The following MAML2 variants were observed in gnomAD, a reference collection of about 807,000 sequenced individuals.
The protein encoded by MAML2 is mastermind like transcriptional coactivator 2, also known as mastermind-like protein 2.
A neutral mutation model predicts 96.1 loss-of-function variants in MAML2; 22 were observed. The ratio of observed to expected loss-of-function variants is 0.23; its 90% confidence interval spans 0.16 to 0.33. MAML2 has a LOEUF of 0.33. MAML2 is among the 10% of genes least tolerant of loss of function. The pLI is 1.00. For synonymous variants in MAML2, 561 were observed against 521.3 expected, an observed-to-expected ratio of 1.08 and a Z score of -1.04; for missense variants, 1,367 against 1,392.4, an observed-to-expected ratio of 0.98 and a Z score of 0.29.
At chr11:96,054,207 T>C (rs1337909881) in intron 2 of MAML2, among the ~76,000 whole-genome samples, 2 of 152,196 alleles carry the variant, frequency 1.3e-5, no homozygotes, top group Non-Finnish European at 2.9e-5. Context: ...GACTAACTTG[T>C]CAGTGTCCTG....
intron 1 of MAML2, among the ~76,000 whole-genome samples, chr11:96,139,476 T>TA (rs1157206994): frequency 0.012 from 1,584 of 136,844 alleles, 20 homozygotes; most frequent in South Asian, 0.027. Flanking sequence ...GACTCTGTCT[T>TA]AAAAAAAAAA....
At chr11:96,182,867 T>C (rs909208891) in intron 1 of MAML2, among the ~76,000 whole-genome samples, 4 of 151,112 alleles carry the variant, frequency 2.6e-5, no homozygotes, top group Admixed American at 6.6e-5. Context: ...AGGAACAGAG[T>C]TTTTTTTTGT....
At position 96,190,117 on chromosome 11, in the gene MAML2, G is replaced by A. The variant is rs922160848; in HGVS notation, c.514-96600C>T. On this transcript the variant is annotated intron_variant, in intron 1 of 4. Transcript: ENST00000524717. ...ATAGAGCACTGAATTTTTAGTTTTA[G>A]TGATGAACATGGAGTCTGCAATATC... Among the ~76,000 whole-genome samples the A allele has an allele frequency of 2.6e-5, 4 of 152,320 alleles. No homozygotes were observed. The East Asian group carries it at 5.8e-4, about 22-fold the overall frequency.
chr11:96,206,340 G>A (rs1414572296), intron 1 of MAML2, among the ~76,000 whole-genome samples: 2 of 152,214 alleles, frequency 1.3e-5, no homozygotes, highest in Admixed American at 6.5e-5. Context: ...GCTCATGCCT[G>A]TAATCCCAGC....
At chr11:96,218,393 T>A (rs1428088715) in intron 1 of MAML2, among the ~76,000 whole-genome samples, 3 of 152,222 alleles carry the variant, frequency 2.0e-5, no homozygotes, top group Non-Finnish European at 4.4e-5. Context: ...TTTCAGCATG[T>A]CTTTTTTTAT....
rs1418332161 is a variant in MAML2, at chr11:96,341,638, T to G, written c.258A>C (p.Ala86=). 4.5e-6 allele frequency: 7 copies of G among 1,556,758 alleles called. No individual in the cohort carries two copies. Among genetic ancestry groups the G allele is most frequent in the Non-Finnish European group, 6.1e-6 (7 of 1,149,608 alleles). Residue 86 remains alanine (A), a synonymous_variant, in exon 1 of 5, where the codon GCA becomes GCC. Transcript: ENST00000524717. Reference sequence around the variant, plus strand: ...CCTTGGTGTGTTTGCCAGCTTTCCTTGCCCCCTGGCCATGCTGTACAAGGC... The same window carrying G: ...CCTTGGTGTGTTTGCCAGCTTTCCTGGCCCCCTGGCCATGCTGTACAAGGC... The part of the protein sequence containing the change: ...LLSLVQHGQG[A]RKAGKHTKAT...
chr11:96,061,161 G>A (rs1011058602), intron 2 of MAML2, among the ~76,000 whole-genome samples: 2 of 152,232 alleles, frequency 1.3e-5, no homozygotes, highest in African/African-American at 2.4e-5. Context: ...CTTCTCTGCA[G>A]GTTGTCGAAT....
chr11:96,174,918 A>G (rs767652626), intron 1 of MAML2, among the ~76,000 whole-genome samples: 2 of 152,226 alleles, frequency 1.3e-5, no homozygotes, highest in Non-Finnish European at 1.5e-5. Context: ...CTTTGGCTAG[A>G]GTAATATTCT....
chr11:96,184,085 G>T (rs1010596325), intron 1 of MAML2, among the ~76,000 whole-genome samples: 5 of 150,422 alleles, frequency 3.3e-5, no homozygotes, highest in African/African-American at 1.2e-4. Context: ...TGGTACTCCC[G>T]GGCAGCACTA....
intron 1 of MAML2, among the ~76,000 whole-genome samples, chr11:96,319,014 A>G (rs7129367): frequency 0.033 from 5,051 of 152,270 alleles, 285 homozygotes; most frequent in African/African-American, 0.11. Flanking sequence ...CCAGTAGAAT[A>G]CGGCAGAAGA....
chr11:96,313,967 G>C (rs89838), intron 1 of MAML2, among the ~76,000 whole-genome samples: 68,895 of 151,972 alleles, frequency 0.45, 16,337 homozygotes, highest in African/African-American at 0.61. Flanking sequence ...GATACATCCC[G>C]TGAAGTAGCT....
intron 1 of MAML2, among the ~76,000 whole-genome samples, chr11:96,263,862 T>TA (rs1189889791): frequency 6.6e-6 from 1 of 152,248 alleles, no homozygotes; most frequent in Non-Finnish European, 1.5e-5. Context: ...ATTATTTGTG[T>TA]AGCCTTGTGC....
intron 4 of MAML2, among the ~76,000 whole-genome samples, chr11:95,980,515 T>C (rs1857721118): frequency 6.6e-6 from 1 of 152,198 alleles, no homozygotes; most frequent in Non-Finnish European, 1.5e-5. Context: ...TCTCCATCTC[T>C]TTAAACATCT....
chr11:96,132,656 G>T (rs1860565338), intron 1 of MAML2, among the ~76,000 whole-genome samples: 1 of 152,210 alleles, frequency 6.6e-6, no homozygotes, highest in South Asian at 2.1e-4. Flanking sequence ...GATATAGCGT[G>T]TTCTTAGCGT....
At chr11:96,107,622 C>T (rs757119820) in intron 1 of MAML2, among the ~76,000 whole-genome samples, 11 of 152,118 alleles carry the variant, frequency 7.2e-5, no homozygotes, top group South Asian at 2.1e-4. Context: ...CCTCAGGAGG[C>T]GGGACTGGTT....
intron 2 of MAML2, among the ~76,000 whole-genome samples, chr11:96,075,025 G>A (rs922090279): frequency 3.3e-5 from 5 of 152,200 alleles, no homozygotes; most frequent in Non-Finnish European, 7.3e-5. Context: ...AAACTTGAGC[G>A]TGACTCTTAA....
In MAML2 at chr11:96,277,806, T is replaced by A. The variant is rs370078529; in HGVS notation, c.513+63577A>T. On this transcript the variant is annotated intron_variant, in intron 1 of 4. Coordinates refer to ENST00000524717, the MANE Select transcript of MAML2 (RefSeq NM_032427.4). ...TGGAATAAAAGATATCTTAGAAGAA[T>A]TAAATCCTGAAGTACTAATTTAGTA... is the stretch of plus-strand genomic sequence containing the variant. Among the ~76,000 whole-genome samples the A allele has an allele frequency of 2.6e-5, 4 of 151,758 alleles. No homozygotes were observed. In the East Asian group the frequency reaches 7.7e-4, roughly 29 times the overall value.
At chr11:96,335,095 C>T (rs1863902576) in intron 1 of MAML2, among the ~76,000 whole-genome samples, 1 of 152,170 alleles carries the variant, frequency 6.6e-6, no homozygotes, top group Non-Finnish European at 1.5e-5. Flanking sequence ...TTCTCCTTTG[C>T]CATCTTTCCT....
At chr11:96,327,383 G>T (rs1863799878) in intron 1 of MAML2, among the ~76,000 whole-genome samples, 2 of 151,952 alleles carry the variant, frequency 1.3e-5, no homozygotes, top group South Asian at 4.2e-4. Flanking sequence ...TTGTCTTCTG[G>T]AGAAACTTCC....
Sources: gnomAD v4.1 joint callset for allele counts (sites outside exome capture counted in the v4.1 genomes callset) on GRCh38, gnomAD v4.1.1 for gene constraint, MANE v1.5 for transcripts, NCBI Gene and HGNC (gene_info 2026-07-23, HGNC 2026-07-21) for gene names.